Variants in CCDC88A observed in about 807,000 individuals in gnomAD.
CCDC88A encodes the protein coiled-coil and HOOK domain protein 88A, also known as girdin.
A neutral mutation model predicts 234.3 loss-of-function variants in CCDC88A; 54 were observed. The ratio of observed to expected loss-of-function variants is 0.23; its 90% CI spans 0.19 to 0.29. The LOEUF (loss-of-function observed/expected upper bound fraction) is 0.29. Ranked by LOEUF, CCDC88A falls within the 10% of genes least tolerant of loss-of-function variation. The probability of loss-of-function intolerance (pLI) is 1.00; values close to 1 mark genes in which losing one functional copy is unlikely to be tolerated. For synonymous variants in CCDC88A, 753 were observed against 737.8 expected, an observed-to-expected ratio of 1.02 and a Z score of -0.33; for missense variants, 1,832 against 2,123.4, an observed-to-expected ratio of 0.86 and a Z score of 2.70.
Position 55,346,166 on chromosome 2 carries a change from G to T in CCDC88A, c.1041+9C>A. 1 of 1,569,786 alleles carries T rather than the reference G, an allele frequency of 6.4e-7. No individual in the cohort carries two copies. Among genetic ancestry groups the T allele is most frequent in the Non-Finnish European group, 8.6e-7 (1 of 1,156,110 alleles). ...AAAAAAATCATGAATGGTTAATTAT[G>T]CAACATACCTCAACTCTTGCCTTAT... On this transcript the variant is annotated intron_variant, in intron 10 of 32. Coordinates refer to ENST00000436346, the MANE Select transcript of CCDC88A (RefSeq NM_001365480.1).
intron 8 of CCDC88A, among the ~76,000 whole-genome samples, chr2:55,353,733 G>A (rs897632680): frequency 1.3e-5 from 2 of 149,830 alleles, no homozygotes; most frequent in Admixed American, 6.7e-5. Context: ...CTCCAGCAGA[G>A]ACTGATCACA....
chr2:55,393,876 T>C (rs536200116), intron 2 of CCDC88A, among the ~76,000 whole-genome samples: 1 of 152,376 alleles, frequency 6.6e-6, no homozygotes, highest in Non-Finnish European at 1.5e-5. Flanking sequence ...AATTTTCTGA[T>C]AGATACCATC....
intron 5 of CCDC88A, among the ~76,000 whole-genome samples, chr2:55,372,176 C>A (rs887260211): frequency 6.6e-6 from 1 of 151,990 alleles, no homozygotes; most frequent in Non-Finnish European, 1.5e-5. Context: ...TCTGAAAAAA[C>A]CTCAAAAATT....
chr2:55,291,750 TCTG>T lies in CCDC88A; in HGVS notation c.5574_5576del (p.Ser1858del). The T allele has an allele frequency of 6.2e-7, 1 of 1,612,794 alleles. No individual in the cohort carries two copies. Among genetic ancestry groups the T allele is most frequent in the Non-Finnish European group, 8.5e-7 (1 of 1,179,146 alleles). ...GCTCCCTAGACCTGCTTTTTGAATT[TCTG>T]CTTTCTTGTACTTTGTCCACATCTG... On this transcript the variant is annotated inframe_deletion, in exon 32 of 33. Coordinates refer to ENST00000436346, the MANE Select transcript of CCDC88A (RefSeq NM_001365480.1).
chr2:55,368,541 C>G (rs1339742905), intron 5 of CCDC88A, among the ~76,000 whole-genome samples: 3 of 151,466 alleles, frequency 2.0e-5, no homozygotes, highest in Non-Finnish European at 4.4e-5. Flanking sequence ...CCAGGTTGAT[C>G]TCAAACTCCT....
intron 2 of CCDC88A, among the ~76,000 whole-genome samples, chr2:55,413,876 C>T (rs1031493248): frequency 2.6e-5 from 4 of 151,862 alleles, no homozygotes; most frequent in African/African-American, 7.3e-5. Context: ...AGCTTGAGCC[C>T]GGGAGGTGAA....
intron 11 of CCDC88A, 130 bp from the exon 12 acceptor site, chr2:55,343,922 A>C (rs2104721712): frequency 6.7e-6 from 5 of 742,120 alleles, no homozygotes; most frequent in Non-Finnish European, 8.3e-6. Flanking sequence ...TAAATTTTTC[A>C]GTTTTGAAGG....
At chr2:55,374,208 T>G (rs1673250650) in intron 4 of CCDC88A, among the ~76,000 whole-genome samples, 1 of 152,086 alleles carries the variant, frequency 6.6e-6, no homozygotes. Context: ...ACCCTGTCTC[T>G]ACTAAAAATA....
At chr2:55,399,459 G>C (rs111756681) in intron 2 of CCDC88A, among the ~76,000 whole-genome samples, 220 of 151,176 alleles carry the variant, frequency 1.5e-3, no homozygotes, top group African/African-American at 5.3e-3. Flanking sequence ...GCTGGGAGGC[G>C]GAGGTTGCAG....
chr2:55,376,806 T>A (rs1332690845), intron 3 of CCDC88A, among the ~76,000 whole-genome samples: 1 of 152,204 alleles, frequency 6.6e-6, no homozygotes, highest in African/African-American at 2.4e-5. Context: ...AACAGCTAAA[T>A]GGGCTTAAAA....
chr2:55,337,735 G>A (rs1667975411), intron 13 of CCDC88A: 1 of 152,142 alleles, frequency 6.6e-6, no homozygotes, highest in South Asian at 2.1e-4. Flanking sequence ...AGCTACTTGA[G>A]AGGCTGAGGT....
intron 8 of CCDC88A, among the ~76,000 whole-genome samples, chr2:55,353,567 A>T (rs1370819466): frequency 6.6e-6 from 1 of 151,680 alleles, no homozygotes; most frequent in Non-Finnish European, 1.5e-5. Flanking sequence ...ACTTTAAATA[A>T]TCAGTAAATA....
At chr2:55,406,417 G>A (rs574329347) in intron 2 of CCDC88A, among the ~76,000 whole-genome samples, 3 of 152,188 alleles carry the variant, frequency 2.0e-5, no homozygotes, top group African/African-American at 7.2e-5. Context: ...ATATTTCCCT[G>A]TAAATTCTCA....
chr2:55,403,060 C>A (rs898856655), intron 2 of CCDC88A, among the ~76,000 whole-genome samples: 3 of 151,950 alleles, frequency 2.0e-5, no homozygotes, highest in Admixed American at 2.0e-4. Context: ...TCAGAAAAGT[C>A]TTTAAATATT....
chr2:55,300,048 G>C (rs1680692622), intron 28 of CCDC88A, 129 bp from the exon 29 acceptor site: 11 of 654,350 alleles, frequency 1.7e-5, no homozygotes, highest in Non-Finnish European at 2.7e-5. Context: ...AGCATGCCCA[G>C]ATTAGAAAGC....
chr2:55,309,124 T>C lies in CCDC88A; in HGVS notation c.4172+38A>G. 6.9e-7 allele frequency: 1 copy of C among 1,452,808 alleles called. No individual in the cohort carries two copies. 90.0% of individuals were successfully genotyped at this position (1,452,808 alleles called of 1,614,324 possible). A position where few individuals can be genotyped will look rare whatever the true frequency, so the allele number is the denominator to read the frequency against. On this transcript the variant is annotated intron_variant, in intron 24 of 32. Transcript: ENST00000436346. The surrounding 1 kb of genome is among the most constrained non-coding windows in gnomAD (Gnocchi z 5.1). The stretch of plus-strand genomic sequence containing the variant: ...ATATTAGAAATAACCTAGTGTTTTT[T>C]TTCAGAATAAGAATTCATAAAATTT...
chr2:55,290,325 A>C lies in CCDC88A; in HGVS notation c.*875T>G, dbSNP rs1679359030. The C allele has an allele frequency of 6.6e-6, 1 of 152,144 alleles. No homozygotes were observed. The highest frequency in any genetic ancestry group is 2.4e-5 in the African/African-American group (1 of 41,454). 9.4% of individuals were successfully genotyped at this position (152,144 alleles called of 1,614,324 possible). On this transcript the variant is annotated 3_prime_UTR_variant, in exon 33 of 33. Transcript: ENST00000436346. ...GCCATAAGAAAACTTCTTAAGCAAC[A>C]GTCAGCTCTCAAGTTAAAAAAATGC...
At chr2:55,383,944 T>G (rs950698369) in intron 3 of CCDC88A, among the ~76,000 whole-genome samples, 2 of 152,064 alleles carry the variant, frequency 1.3e-5, no homozygotes, top group Non-Finnish European at 2.9e-5. Context: ...AAGTATTGGT[T>G]GGTGCGAAAG....
intron 3 of CCDC88A, among the ~76,000 whole-genome samples, chr2:55,387,851 A>C (rs1675954275): frequency 6.6e-6 from 1 of 151,998 alleles, no homozygotes; most frequent in Non-Finnish European, 1.5e-5. Flanking sequence ...CTGATAAATA[A>C]TCAAATTCTT....
Sources: gnomAD v4.1 joint callset for allele counts (sites outside exome capture counted in the v4.1 genomes callset) on GRCh38, gnomAD v4.1.1 for gene constraint, Gnocchi (gnomAD v3.1) non-coding constraint, MANE v1.5 for transcripts, NCBI Gene and HGNC (gene_info 2026-07-23, HGNC 2026-07-21) for gene names.